Variants in CEP57L1 observed in about 807,000 individuals in gnomAD.
CEP57L1 encodes the protein centrosomal protein 57 like 1.
In CEP57L1, 37 loss-of-function variants were observed where a neutral mutation model predicts 61.0. The observed-to-expected ratio is 0.61, with a 90% CI of 0.47 to 0.80. The LOEUF is 0.80. Among genes scored for constraint, CEP57L1 ranks in the 30% least tolerant of loss-of-function variants. The pLI is 0.00. For synonymous variants in CEP57L1, 137 were observed against 162.3 expected (o/e 0.84, Z 1.19); for missense variants, 422 against 524.7 (o/e 0.80, Z 1.91).
At chr6:109,117,241 G>A (rs952091149) in intron 1 of CEP57L1, among the ~76,000 whole-genome samples, 16 of 152,146 alleles carry the variant, frequency 1.1e-4, no homozygotes, top group African/African-American at 3.6e-4. Flanking sequence ...AGCATAAGAA[G>A]TTGTAGGCAA....
At position 109,133,233 on chromosome 6, in the gene CEP57L1, G is replaced by T. The variant is rs533911186; in HGVS notation, c.-3-11986G>T. Among the ~76,000 whole-genome samples, 5 of 152,236 alleles carry T rather than the reference G, an allele frequency of 3.3e-5. No individual in the cohort carries two copies. In the South Asian group the frequency reaches 1.0e-3, roughly 32 times the overall value. ...TATGGAAGACAGTTTTTCCACAGATGCGGCAGGGGTAAGGGGATGGTTTGG... is the reference window on the plus strand; with the variant it reads ...TATGGAAGACAGTTTTTCCACAGATTCGGCAGGGGTAAGGGGATGGTTTGG... On this transcript the variant is annotated intron_variant, in intron 1 of 10. Coordinates refer to ENST00000517392, the MANE Select transcript of CEP57L1 (RefSeq NM_001271852.3).
intron 1 of CEP57L1, among the ~76,000 whole-genome samples, chr6:109,114,107 T>G (rs1365036574): frequency 6.6e-6 from 1 of 152,144 alleles, no homozygotes; most frequent in African/African-American, 2.4e-5. Flanking sequence ...GGTAATGCTA[T>G]TTTTCATTTT....
intron 1 of CEP57L1, among the ~76,000 whole-genome samples, chr6:109,136,054 C>G (rs906619138): frequency 6.6e-6 from 1 of 152,154 alleles, no homozygotes; most frequent in Non-Finnish European, 1.5e-5. Context: ...ACCCAGCCAT[C>G]CCATTACTGG....
chr6:109,137,158 C>T (rs1770837663), intron 1 of CEP57L1, among the ~76,000 whole-genome samples: 1 of 151,900 alleles, frequency 6.6e-6, no homozygotes, highest in African/African-American at 2.4e-5. Flanking sequence ...TATGTTTAAA[C>T]CTTTTTTGTT....
intron 4 of CEP57L1, 132 bp from the exon 5 acceptor site, chr6:109,153,699 ATG>A (rs1180929031): frequency 6.0e-6 from 4 of 661,320 alleles, no homozygotes; most frequent in African/African-American, 3.8e-5. Flanking sequence ...CATCTAAAGT[ATG>A]TGTGTTTGTT....
chr6:109,162,686 C>T (rs1583686646), intron 10 of CEP57L1, 63 bp from the exon 11 acceptor site: 1 of 1,047,022 alleles, frequency 9.6e-7, no homozygotes, highest in East Asian at 2.6e-5. Context: ...TTCAACCTAT[C>T]TATTTTGGAA....
In CEP57L1 at chr6:109,163,847, A is replaced by G. The variant is rs767328227; in HGVS notation, c.*877A>G. 11 of 152,148 alleles carry G rather than the reference A, an allele frequency of 7.2e-5. No individual in the cohort carries two copies. In the East Asian group the frequency reaches 7.7e-4, roughly 11 times the overall value. 9.4% of individuals were successfully genotyped at this position (152,148 alleles called of 1,614,324 possible). ...TTTTATTTTTTATATTTTAAAATCAATAATGTCAAATGTCATTGTGTATGC... is the reference window on the plus strand; with the variant it reads ...TTTTATTTTTTATATTTTAAAATCAGTAATGTCAAATGTCATTGTGTATGC... On this transcript the variant is annotated 3_prime_UTR_variant, in exon 11 of 11. Coordinates refer to ENST00000517392, the MANE Select transcript of CEP57L1 (RefSeq NM_001271852.3).
intron 1 of CEP57L1, among the ~76,000 whole-genome samples, chr6:109,118,967 A>G (rs78664663): frequency 0.027 from 4,071 of 152,306 alleles, 90 homozygotes; most frequent in Middle Eastern, 0.075. Flanking sequence ...TTATTTCAAT[A>G]TATATTAAAC....
intron 1 of CEP57L1, among the ~76,000 whole-genome samples, chr6:109,101,180 ACTT>A (rs1249923513): frequency 1.3e-5 from 2 of 152,194 alleles, no homozygotes; most frequent in African/African-American, 2.4e-5. Flanking sequence ...ATTTAGAAGA[ACTT>A]CTTTAGATCA....
At chr6:109,150,965 TAGA>T (rs1772551089) in intron 4 of CEP57L1, among the ~76,000 whole-genome samples, 1 of 152,074 alleles carries the variant, frequency 6.6e-6, no homozygotes, top group Admixed American at 6.6e-5. Flanking sequence ...TGACCTTTGG[TAGA>T]AGGTCAGAGA....
intron 1 of CEP57L1, among the ~76,000 whole-genome samples, chr6:109,128,354 A>T (rs2114743709): frequency 6.6e-6 from 1 of 152,264 alleles, no homozygotes. Context: ...CTCTCCTATT[A>T]CATATTTGTA....
In CEP57L1 at chr6:109,172,828, A is replaced by G. The variant is rs1262098615; in HGVS notation, c.*9858A>G. Among the ~76,000 whole-genome samples the G allele has an allele frequency of 6.6e-6, 1 of 152,244 alleles. No individual in the cohort carries two copies. The highest frequency in any genetic ancestry group is 1.5e-5 in the Non-Finnish European group (1 of 68,040). On this transcript the variant is annotated 3_prime_UTR_variant, in exon 11 of 11. Transcript: ENST00000517392. Reference sequence around the variant, plus strand: ...AAGTCTAGTTAATAAAACTAGGGCCATGTGTTACTACAACATAGGAGTTAA... The same window carrying G: ...AAGTCTAGTTAATAAAACTAGGGCCGTGTGTTACTACAACATAGGAGTTAA...
At chr6:109,156,983 A>G (rs1183750081) in intron 7 of CEP57L1, 1 of 152,138 alleles carries the variant, frequency 6.6e-6, no homozygotes, top group Non-Finnish European at 1.5e-5. Context: ...GTAATTTGCC[A>G]GTGGAACACA....
intron 4 of CEP57L1, among the ~76,000 whole-genome samples, chr6:109,153,434 A>AG: frequency 6.6e-6 from 1 of 151,446 alleles, no homozygotes; most frequent in South Asian, 2.1e-4. Context: ...TTTGTAGAGG[A>AG]GGGGTCCCGT....
At chr6:109,135,318 A>T (rs1774734476) in intron 1 of CEP57L1, among the ~76,000 whole-genome samples, 1 of 152,186 alleles carries the variant, frequency 6.6e-6, no homozygotes, top group African/African-American at 2.4e-5. Context: ...TGGGGAAAGG[A>T]TTCCCTATTT....
rs972713871 is a variant in CEP57L1, at chr6:109,118,705, G to A, written c.-4+23130G>A. On this transcript the variant is annotated intron_variant, in intron 1 of 10. Transcript: ENST00000517392. ...GACAAACCCGTGTTTGTGTTGCTTCGTCACAGAATAACTCAGACACTACAA... is the reference window on the plus strand; with the variant it reads ...GACAAACCCGTGTTTGTGTTGCTTCATCACAGAATAACTCAGACACTACAA... 1.1e-4 allele frequency among the ~76,000 whole-genome samples: 16 copies of A among 152,182 alleles called. 1 individual carries two copies. Among genetic ancestry groups the A allele is most frequent in the South Asian group, 6.2e-4 (3 of 4,832 alleles).
At position 109,099,972 on chromosome 6, in the gene CEP57L1, A is replaced by G. The variant is rs1194887120; in HGVS notation, c.-4+4397A>G. On this transcript the variant is annotated intron_variant, in intron 1 of 10. Coordinates refer to ENST00000517392, the MANE Select transcript of CEP57L1 (RefSeq NM_001271852.3). ...TCCTCTTCTTGCAGGTCTTTGCTCAAATAATCATTTTCTCAGAGGTGTCCC... is the reference window on the plus strand; with the variant it reads ...TCCTCTTCTTGCAGGTCTTTGCTCAGATAATCATTTTCTCAGAGGTGTCCC... Among the ~76,000 whole-genome samples, 4 of 152,176 alleles carry G rather than the reference A, an allele frequency of 2.6e-5. No homozygotes were observed. The East Asian group carries it at 7.7e-4, about 29-fold the overall frequency.
chr6:109,135,213 G>C (rs982169174), intron 1 of CEP57L1, among the ~76,000 whole-genome samples: 1 of 152,142 alleles, frequency 6.6e-6, no homozygotes, highest in Non-Finnish European at 1.5e-5. Context: ...TACCAAAACA[G>C]AGATATAGAC....
At chr6:109,144,939 C>A (rs1771794543) in intron 1 of CEP57L1, among the ~76,000 whole-genome samples, 1 of 151,964 alleles carries the variant, frequency 6.6e-6, no homozygotes, top group South Asian at 2.1e-4. Flanking sequence ...TTATGGGTAA[C>A]TGAGAAACCA....
Sources: gnomAD v4.1 joint callset for allele counts (sites outside exome capture counted in the v4.1 genomes callset) on GRCh38, gnomAD v4.1.1 for gene constraint, MANE v1.5 for transcripts, NCBI Gene and HGNC (gene_info 2026-07-23, HGNC 2026-07-21) for gene names.